Variants in CAPZB observed in about 807,000 individuals in gnomAD.
CAPZB encodes capping actin protein of muscle Z-line subunit beta.
CAPZB carries 2 observed loss-of-function variants against 38.1 expected under a neutral mutation model. The ratio of observed to expected loss-of-function variants is 0.05; its 90% CI spans 0.02 to 0.17. The LOEUF (loss-of-function observed/expected upper bound fraction) is 0.17, where lower values mean the gene tolerates loss of function less well. Among genes scored for constraint, CAPZB ranks in the 10% least tolerant of loss-of-function variants. CAPZB has a pLI of 1.00. For synonymous variants in CAPZB, 107 were observed against 127.4 expected (o/e 0.84, Z 1.08); for missense variants, 161 against 334.2 (o/e 0.48, Z 4.04).
chr1:19,469,539 A>C (rs1465458618), intron 1 of CAPZB, among the ~76,000 whole-genome samples: 3 of 152,056 alleles, frequency 2.0e-5, no homozygotes, highest in Non-Finnish European at 4.4e-5. Context: ...GAGATTGAGG[A>C]AGTGAAGTGA....
intron 6 of CAPZB, among the ~76,000 whole-genome samples, chr1:19,355,409 C>T (rs113831173): frequency 0.017 from 2,646 of 151,536 alleles, 33 homozygotes; most frequent in Non-Finnish European, 0.027. Flanking sequence ...GCAGGAGAAT[C>T]GCTTGAACCC....
rs200693509 is a variant in CAPZB, at chr1:19,460,273, TTTTG to T, written c.3+25159_3+25162del. Among the ~76,000 whole-genome samples the T allele has an allele frequency of 8.0e-3, 1,222 of 152,156 alleles. 9 individuals carry two copies. The highest frequency in any genetic ancestry group is 0.021 in the African/African-American group (890 of 41,506). On this transcript the variant is annotated intron_variant, in intron 1 of 8. Coordinates refer to ENST00000264202, the MANE Select transcript of CAPZB (RefSeq NM_004930.5). ...GTGGAAGACATGAACAGTATTGGTTTTTTGTTTGTTTGTTTTTTTATGAGACGGA... is the reference window on the plus strand; with the variant it reads ...GTGGAAGACATGAACAGTATTGGTTTTTTGTTTGTTTTTTTATGAGACGGA...
chr1:19,366,351 G>A (rs957303893), intron 4 of CAPZB, among the ~76,000 whole-genome samples: 4 of 147,338 alleles, frequency 2.7e-5, no homozygotes, highest in Non-Finnish European at 5.9e-5. Context: ...TTGCTGTACT[G>A]GTGCTTGGTC....
chr1:19,381,180 CA>C (rs201642565), intron 3 of CAPZB, among the ~76,000 whole-genome samples: 2 of 149,342 alleles, frequency 1.3e-5, no homozygotes, highest in Admixed American at 6.7e-5. Context: ...GGGAAACAAA[CA>C]AAAAAAAATG....
chr1:19,452,117 C>T (rs12141916), intron 1 of CAPZB, among the ~76,000 whole-genome samples: 2,113 of 152,118 alleles, frequency 0.014, 34 homozygotes, highest in Non-Finnish European at 0.025. Context: ...CTGCCCACCC[C>T]CTGCAGTCCT....
chr1:19,373,630 T>A (rs930230048), intron 4 of CAPZB, among the ~76,000 whole-genome samples: 2 of 152,154 alleles, frequency 1.3e-5, no homozygotes, highest in African/African-American at 4.8e-5. Context: ...TCTAGGTCTC[T>A]GGACCCTCAA....
chr1:19,482,516 C>T (rs770231597), intron 1 of CAPZB, among the ~76,000 whole-genome samples: 3 of 152,202 alleles, frequency 2.0e-5, no homozygotes, highest in Non-Finnish European at 2.9e-5. Context: ...GAATAATTCC[C>T]AAGTCAGAAA....
chr1:19,396,189 G>A (rs1168090276), intron 2 of CAPZB, among the ~76,000 whole-genome samples: 2 of 152,244 alleles, frequency 1.3e-5, no homozygotes, highest in African/African-American at 4.8e-5. Context: ...CCAGGGCAGT[G>A]ATGAGCTGTC....
chr1:19,404,314 C>A (rs1005309800), intron 2 of CAPZB, among the ~76,000 whole-genome samples: 1 of 149,960 alleles, frequency 6.7e-6, no homozygotes, highest in Non-Finnish European at 1.5e-5. Flanking sequence ...GAGGCCGAGG[C>A]AGGCAGATCA....
intron 1 of CAPZB, among the ~76,000 whole-genome samples, chr1:19,445,554 C>A (rs2094493195): frequency 6.6e-6 from 1 of 152,098 alleles, no homozygotes; most frequent in Non-Finnish European, 1.5e-5. Context: ...AAGGTAACTG[C>A]CAATAATAAC....
chr1:19,388,236 G>A (rs1477815756), intron 2 of CAPZB, among the ~76,000 whole-genome samples: 1 of 152,196 alleles, frequency 6.6e-6, no homozygotes, highest in Non-Finnish European at 1.5e-5. Context: ...AACACCAGGT[G>A]GAGTATTTTT....
rs1361836900 is a variant in CAPZB at position 19,344,371 on chromosome 1, C to T, written c.718G>A (p.Val240Ile). The change falls in exon 8 of 9, where the codon GTC becomes ATC. Residue 240 changes from valine (V) to isoleucine (I), a missense_variant. Coordinates refer to ENST00000264202, the MANE Select transcript of CAPZB (RefSeq NM_004930.5). ...EIYFGKTKDI[V>I]NGLRSVQTFA... Reference sequence around the variant, plus strand: ...CTGGTACATTACCTCAGCCCATTGACGATATCCTTTGTTTTTCCAAAGTAG... The same window carrying T: ...CTGGTACATTACCTCAGCCCATTGATGATATCCTTTGTTTTTCCAAAGTAG... 5.6e-6 allele frequency: 9 copies of T among 1,612,888 alleles called. No homozygotes were observed. The highest frequency in any genetic ancestry group is 3.3e-5 in the Admixed American group (2 of 60,002).
At chr1:19,370,264 C>T (rs2094112835) in intron 4 of CAPZB, among the ~76,000 whole-genome samples, 2 of 152,364 alleles carry the variant, frequency 1.3e-5, no homozygotes, top group African/African-American at 4.8e-5. Flanking sequence ...CAGTACAGGG[C>T]TGTGCCCGGG....
intron 1 of CAPZB, among the ~76,000 whole-genome samples, chr1:19,459,260 AG>A (rs2094542892): frequency 6.6e-6 from 1 of 152,248 alleles, no homozygotes; most frequent in Non-Finnish European, 1.5e-5. Context: ...GTATGGGTAG[AG>A]CCATTTAAAA....
At chr1:19,471,936 A>G (rs1277497879) in intron 1 of CAPZB, among the ~76,000 whole-genome samples, 1 of 151,846 alleles carries the variant, frequency 6.6e-6, no homozygotes, top group Non-Finnish European at 1.5e-5. Flanking sequence ...ACCAATATGC[A>G]TCTCACAGAT....
intron 1 of CAPZB, among the ~76,000 whole-genome samples, chr1:19,473,384 A>G (rs1256543475): frequency 2.0e-5 from 3 of 152,216 alleles, no homozygotes; most frequent in Non-Finnish European, 4.4e-5. Context: ...CTACAAGGTT[A>G]AGCACAGAGG....
chr1:19,371,300 C>A (rs1232826709), intron 4 of CAPZB, among the ~76,000 whole-genome samples: 8 of 152,218 alleles, frequency 5.3e-5, no homozygotes, highest in Non-Finnish European at 1.2e-4. Context: ...TATCTGTGAT[C>A]ATAAACGCAC....
chr1:19,453,772 T>A (rs773907020), intron 1 of CAPZB, among the ~76,000 whole-genome samples: 14 of 152,212 alleles, frequency 9.2e-5, no homozygotes, highest in Non-Finnish European at 1.8e-4. Flanking sequence ...TTGTTCACCA[T>A]CCCTGTGAAT....
chr1:19,472,843 G>A (rs554354097), intron 1 of CAPZB, among the ~76,000 whole-genome samples: 1 of 148,116 alleles, frequency 6.8e-6, no homozygotes, highest in South Asian at 2.1e-4. Context: ...TCAGCCTCCT[G>A]AGTAGCTAGG....
Sources: gnomAD v4.1 joint callset for allele counts (sites outside exome capture counted in the v4.1 genomes callset) on GRCh38, gnomAD v4.1.1 for gene constraint, MANE v1.5 for transcripts, NCBI Gene and HGNC (gene_info 2026-07-23, HGNC 2026-07-21) for gene names.